The following EPB41L3 variants were observed in gnomAD, a reference collection of about 807,000 sequenced individuals.
EPB41L3 encodes band 4.1-like protein 3.
Under a neutral mutation model 127.1 loss-of-function variants are expected in EPB41L3, and 57 were observed. The ratio of observed to expected loss-of-function variants is 0.45; its 90% CI spans 0.36 to 0.56. EPB41L3 has a LOEUF of 0.56. Among genes scored for constraint, EPB41L3 ranks in the 20% least tolerant of loss-of-function variants. The probability of loss-of-function intolerance (pLI) is 0.00; values close to 1 mark genes in which losing one functional copy is unlikely to be tolerated. For synonymous variants in EPB41L3, 572 were observed against 549.5 expected (o/e 1.04, Z -0.57); for missense variants, 1,273 against 1,372.2 (o/e 0.93, Z 1.14).
intron 1 of EPB41L3, among the ~76,000 whole-genome samples, chr18:5,510,812 G>C (rs1244246565): frequency 2.0e-5 from 3 of 152,010 alleles, no homozygotes; most frequent in African/African-American, 7.3e-5. Flanking sequence ...TTATTTTAAA[G>C]TATACCCCAT....
chr18:5,416,314 G>A lies in EPB41L3; in HGVS notation c.1571C>T (p.Ser524Phe). Residue 524 changes from serine to phenylalanine, a missense_variant, in exon 13 of 23, where the codon TCT becomes TTT. This residue lies in a region of EPB41L3 where 765 missense variants were observed against 782.9 expected (regional missense o/e 0.98). Coordinates refer to ENST00000341928, the MANE Select transcript of EPB41L3 (RefSeq NM_012307.5). ...SPPSTHCAPT[S>F]PTELRRRCKE... is the part of the protein sequence containing the mutation. ...ACACCTCCTACGGAGCTCTGTGGGA[G>A]ATGTGGGGGCACAATGGGTGGATGG... The A allele has an allele frequency of 6.2e-7, 1 of 1,614,124 alleles. No individual in the cohort carries two copies. Among genetic ancestry groups the A allele is most frequent in the Non-Finnish European group, 8.5e-7 (1 of 1,180,032 alleles).
intron 14 of EPB41L3, 84 bp from the exon 15 acceptor site, chr18:5,407,820 G>T: frequency 7.5e-7 from 1 of 1,335,772 alleles, no homozygotes; most frequent in African/African-American, 1.5e-5. Context: ...ACATAGACTT[G>T]CTAAATGTGG....
chr18:5,435,439 A>G (rs2079628591), intron 6 of EPB41L3, among the ~76,000 whole-genome samples: 1 of 152,094 alleles, frequency 6.6e-6, no homozygotes, highest in Admixed American at 6.5e-5. Context: ...AATCTTTTAT[A>G]TTATATTTTT....
In EPB41L3 at chr18:5,551,773, G is replaced by C. The variant is rs554189045; in HGVS notation, c.-306+60567C>G. Among the ~76,000 whole-genome samples, 12 of 152,260 alleles carry C rather than the reference G, an allele frequency of 7.9e-5. No individual in the cohort carries two copies. In the East Asian group the frequency reaches 2.1e-3, roughly 27 times the overall value. On this transcript the variant is annotated intron_variant, in intron 3 of 21. Transcript: ENST00000545076. ...GTGAATTATCACAGCTGGGTGATAG[G>C]TACATGTGGACTTATACAATTCTCT...
intron 2 of EPB41L3, chr18:5,479,552 T>C (rs2087978708): frequency 6.6e-6 from 1 of 152,242 alleles, no homozygotes; most frequent in Non-Finnish European, 1.5e-5. Context: ...TTCTGCTTTA[T>C]CTTCATTTTC....
In EPB41L3 at chr18:5,410,720, C is replaced by T. The variant is rs563870907; in HGVS notation, c.2068-101G>A. ...TGGCACAGGTCAGACAGGTCATTTT[C>T]TTTCTCTGTGATTTCTCTGTGTCAC... is the stretch of plus-strand genomic sequence containing the variant. On this transcript the variant is annotated intron_variant, in intron 13 of 22. Coordinates refer to ENST00000341928, the MANE Select transcript of EPB41L3 (RefSeq NM_012307.5). 72 of 879,328 alleles carry T rather than the reference C, an allele frequency of 8.2e-5. 1 individual carries two copies. In the South Asian group the frequency reaches 1.1e-3, roughly 14 times the overall value. 54.5% of individuals were successfully genotyped at this position (879,328 alleles called of 1,614,324 possible).
chr18:5,548,060 A>T (rs2093909885), upstream of EPB41L3, among the ~76,000 whole-genome samples: 1 of 152,198 alleles, frequency 6.6e-6, no homozygotes, highest in Non-Finnish European at 1.5e-5. Flanking sequence ...TGCCTTAGTG[A>T]AATGTTGACA....
At chr18:5,546,162 G>A (rs2093878021), upstream of EPB41L3, among the ~76,000 whole-genome samples, 1 of 152,116 alleles carries the variant, frequency 6.6e-6, no homozygotes. Flanking sequence ...TTGTGGTGAT[G>A]AAAATCAGCA....
intron 3 of EPB41L3, among the ~76,000 whole-genome samples, chr18:5,580,378 C>T (rs906921838): frequency 6.6e-6 from 1 of 151,922 alleles, no homozygotes; most frequent in Non-Finnish European, 1.5e-5. Context: ...CAGGTATAGA[C>T]ACATACTCAT....
intron 13 of EPB41L3, among the ~76,000 whole-genome samples, chr18:5,414,297 A>G (rs538521152): frequency 6.6e-6 from 1 of 152,340 alleles, no homozygotes; most frequent in Non-Finnish European, 1.5e-5. Context: ...ATGTATAAAA[A>G]GTTATTTATA....
In EPB41L3 at chr18:5,400,776, G is replaced by A. The variant is rs999328702; in HGVS notation, c.2350-2633C>T. On this transcript the variant is annotated intron_variant, in intron 16 of 22. Coordinates refer to ENST00000341928, the MANE Select transcript of EPB41L3 (RefSeq NM_012307.5). ...CTTGGATTAGAAGCCATGAAGAAAT[G>A]ATGCATAACTGATAACTAAAATATT... 16 of 573,180 alleles carry A rather than the reference G, an allele frequency of 2.8e-5. No individual in the cohort carries two copies. The East Asian group carries it at 4.3e-4, about 15-fold the overall frequency. The allele number at this position is 573,180 out of a possible 1,614,324, so 35.5% of individuals were successfully genotyped here.
intron 8 of EPB41L3, chr18:5,429,343 G>C (rs1250259858): frequency 2.0e-5 from 3 of 152,108 alleles, no homozygotes; most frequent in Non-Finnish European, 2.9e-5. Context: ...CAGAGACGTT[G>C]TATCAAGCTT....
At chr18:5,466,023 A>T (rs4798361) in intron 3 of EPB41L3, among the ~76,000 whole-genome samples, 61,582 of 151,598 alleles carry the variant, frequency 0.41, 13,146 homozygotes, top group East Asian at 0.71. Context: ...TGTAACCTTT[A>T]GGCAGAGCAT....
At chr18:5,441,759 C>T (rs554899391) in intron 5 of EPB41L3, among the ~76,000 whole-genome samples, 2 of 152,288 alleles carry the variant, frequency 1.3e-5, no homozygotes, top group South Asian at 2.1e-4. Context: ...CCACCGCGCC[C>T]GGCCTCGAAT....
intron 3 of EPB41L3, among the ~76,000 whole-genome samples, chr18:5,583,908 A>C (rs567763013): frequency 5.3e-5 from 8 of 152,286 alleles, no homozygotes; most frequent in African/African-American, 1.9e-4. Context: ...TCCCGGGTTC[A>C]TGCGATTCTC....
intron 22 of EPB41L3, 184 bp from the exon 23 acceptor site, chr18:5,393,662 T>A (rs998703751): frequency 2.2e-6 from 1 of 464,142 alleles, no homozygotes; most frequent in Non-Finnish European, 3.8e-6. Context: ...AACGCCCAAG[T>A]GGCTGAAGCT....
At chr18:5,490,228 GGAGT>G (rs2148318770) in intron 1 of EPB41L3, among the ~76,000 whole-genome samples, 1 of 152,242 alleles carries the variant, frequency 6.6e-6, no homozygotes, top group South Asian at 2.1e-4. Context: ...TTAGGTATAT[GGAGT>G]AAGTATCTCA....
intron 1 of EPB41L3, among the ~76,000 whole-genome samples, chr18:5,622,111 T>G (rs934356477): frequency 2.6e-5 from 4 of 152,098 alleles, no homozygotes; most frequent in African/African-American, 9.7e-5. Context: ...TTAAATATAC[T>G]CAGGACTAAA....
At chr18:5,424,624 C>T (rs1485795251) in intron 9 of EPB41L3, among the ~76,000 whole-genome samples, 1 of 152,086 alleles carries the variant, frequency 6.6e-6, no homozygotes, top group Non-Finnish European at 1.5e-5. Context: ...CAACTGAAAA[C>T]CAAACACGAA....
Sources: gnomAD v4.1 joint callset for allele counts (sites outside exome capture counted in the v4.1 genomes callset) on GRCh38, gnomAD v4.1.1 for gene constraint, gnomAD v4.1.1 regional missense constraint, MANE v1.5 for transcripts, NCBI Gene and HGNC (gene_info 2026-07-23, HGNC 2026-07-21) for gene names.